Variants in RGS17 observed in about 807,000 individuals in gnomAD.
RGS17 encodes the protein regulator of G protein signaling 17.
RGS17 carries 12 observed loss-of-function variants against 25.5 expected under a neutral mutation model. The observed-to-expected ratio is 0.47, with a 90% CI of 0.30 to 0.76. The LOEUF is 0.76. RGS17 is among the 30% of genes least tolerant of loss of function. RGS17 has a pLI of 0.07. For missense variants in RGS17, 196 were observed against 242.2 expected (o/e 0.81, Z 1.27); for synonymous variants, 71 against 76.9 (o/e 0.92, Z 0.40).
intron 1 of RGS17, among the ~76,000 whole-genome samples, chr6:153,052,778 G>A (rs1333754261): frequency 6.6e-6 from 1 of 152,164 alleles, no homozygotes; most frequent in Non-Finnish European, 1.5e-5. Flanking sequence ...TACTGAATGT[G>A]TGTGTCCTCC....
intron 1 of RGS17, among the ~76,000 whole-genome samples, chr6:153,087,440 A>AAAC (rs1777066780): frequency 6.6e-6 from 1 of 152,236 alleles, no homozygotes; most frequent in Non-Finnish European, 1.5e-5. Context: ...TCTTCTATAA[A>AAAC]AACAAATACA....
chr6:153,026,989 C>T (rs553095895), intron 2 of RGS17, among the ~76,000 whole-genome samples: 126 of 152,284 alleles, frequency 8.3e-4, no homozygotes, highest in African/African-American at 3.0e-3. Context: ...TAATAAGATA[C>T]AATGTGTCAG....
chr6:153,026,432 G>A (rs1380120722), intron 3 of RGS17, 22 bp downstream of exon 3: 1 of 1,550,790 alleles, frequency 6.4e-7, no homozygotes, highest in Non-Finnish European at 8.9e-7. Context: ...AGAAACAATA[G>A]CTATGTGGTT....
At chr6:153,037,872 A>G (rs1366513423) in intron 2 of RGS17, among the ~76,000 whole-genome samples, 1 of 152,204 alleles carries the variant, frequency 6.6e-6, no homozygotes, top group African/African-American at 2.4e-5. Context: ...AAACAACAAC[A>G]TGGGGCAGAC....
chr6:153,114,077 G>T (rs751280886), intron 1 of RGS17, among the ~76,000 whole-genome samples: 12 of 152,034 alleles, frequency 7.9e-5, no homozygotes, highest in Non-Finnish European at 1.6e-4. Flanking sequence ...AAAGAATTAA[G>T]ATCAGAGCAA....
chr6:153,118,429 C>T (rs1386013615), intron 1 of RGS17, among the ~76,000 whole-genome samples: 1 of 152,224 alleles, frequency 6.6e-6, no homozygotes, highest in Admixed American at 6.5e-5. Context: ...ATATACTCCT[C>T]ATAGAATTTA....
chr6:153,021,483 G>A (rs1779247712), intron 4 of RGS17, among the ~76,000 whole-genome samples: 1 of 152,198 alleles, frequency 6.6e-6, no homozygotes, highest in Non-Finnish European at 1.5e-5. Flanking sequence ...TCGAGTCAAT[G>A]AACAGGATAC....
At chr6:153,051,619 T>A (rs1035244577) in intron 1 of RGS17, among the ~76,000 whole-genome samples, 9 of 152,184 alleles carry the variant, frequency 5.9e-5, no homozygotes, top group African/African-American at 1.9e-4. Flanking sequence ...GCAATGAAGT[T>A]GGCTATTTAG....
At chr6:153,097,289 GA>G (rs1562333182) in intron 1 of RGS17, among the ~76,000 whole-genome samples, 11 of 77,292 alleles carry the variant, frequency 1.4e-4, no homozygotes, top group African/African-American at 4.3e-4. Context: ...GCGTTTTTTT[GA>G]TTTTTTTTTT....
Position 153,130,529 on chromosome 6 carries a change from T to G in RGS17, c.-26+595A>C, listed in dbSNP as rs1478072698. ...ACACACCCCTCCGGTATTTTACTGC[T>G]GGTCAAAGGATTCATTTTCGCAACC... On this transcript the variant is annotated intron_variant, in intron 1 of 4. Coordinates refer to ENST00000206262, the MANE Select transcript of RGS17 (RefSeq NM_012419.5). This position sits in a 1 kb window ranked among gnomAD's most constrained non-coding sequence, Gnocchi z 6.4. Among the ~76,000 whole-genome samples, 1 of 151,842 alleles carries G rather than the reference T, an allele frequency of 6.6e-6. No individual in the cohort carries two copies. The highest frequency in any genetic ancestry group is 6.6e-5 in the Admixed American group (1 of 15,266).
At chr6:153,067,279 A>G (rs9479490) in intron 1 of RGS17, among the ~76,000 whole-genome samples, 58,322 of 151,908 alleles carry the variant, frequency 0.38, 11,885 homozygotes, top group East Asian at 0.62. Context: ...TTTAACCACC[A>G]TAATTAAACA....
chr6:153,051,139 C>G (rs1292521238), intron 1 of RGS17, among the ~76,000 whole-genome samples: 1 of 152,196 alleles, frequency 6.6e-6, no homozygotes, highest in Non-Finnish European at 1.5e-5. Flanking sequence ...GATAAGCCAC[C>G]CTACATATGG....
chr6:153,023,774 G>A (rs1439602618), intron 4 of RGS17, among the ~76,000 whole-genome samples: 2 of 151,992 alleles, frequency 1.3e-5, no homozygotes, highest in Non-Finnish European at 2.9e-5. Flanking sequence ...CTATACCAGA[G>A]GTTTTCCAAC....
Position 153,014,295 on chromosome 6 carries a change from G to T in RGS17, c.445-2533C>A, listed in dbSNP as rs1217721907. ...CTGTTTATAGCATGTCTTACTGGGT[G>T]TTTTAAGCCCACTGTCGAGCCCTAC... On this transcript the variant is annotated intron_variant, in intron 4 of 4. Transcript: ENST00000206262. 4.6e-5 allele frequency among the ~76,000 whole-genome samples: 7 copies of T among 152,244 alleles called. No individual in the cohort carries two copies. The East Asian group carries it at 7.7e-4, about 17-fold the overall frequency.
At chr6:153,094,917 C>CTAA (rs1554243095) in intron 1 of RGS17, among the ~76,000 whole-genome samples, 2 of 151,498 alleles carry the variant, frequency 1.3e-5, no homozygotes, top group African/African-American at 4.9e-5. Context: ...TTTATAATTA[C>CTAA]ATTCACAATA....
At chr6:153,047,909 T>G (rs1260877849) in intron 1 of RGS17, among the ~76,000 whole-genome samples, 1 of 152,216 alleles carries the variant, frequency 6.6e-6, no homozygotes, top group African/African-American at 2.4e-5. Context: ...CCTGTCTGCT[T>G]TCTCATCACT....
chr6:153,035,904 G>C (rs1020747424), intron 2 of RGS17, among the ~76,000 whole-genome samples: 32 of 152,054 alleles, frequency 2.1e-4, no homozygotes, highest in Non-Finnish European at 3.7e-4. Context: ...AGAGAAGCTT[G>C]GTTCTCTTAA....
rs1454914619 is a variant in RGS17 at position 153,006,859 on chromosome 6, A to G, written c.*4715T>C. ...GCCCAAAGTCACATGAGACAGAAAT[A>G]TAACTTGAAATCAAATTTGTAATTT... On this transcript the variant is annotated 3_prime_UTR_variant, in exon 5 of 5. Transcript: ENST00000206262. 1 of 152,232 alleles carries G rather than the reference A, an allele frequency of 6.6e-6. No homozygotes were observed. Among genetic ancestry groups the G allele is most frequent in the Non-Finnish European group, 1.5e-5 (1 of 68,038 alleles). 9.4% of individuals were successfully genotyped at this position (152,232 alleles called of 1,614,324 possible).
At chr6:153,020,100 TAAAA>T (rs57320874) in intron 4 of RGS17, among the ~76,000 whole-genome samples, 967 of 44,984 alleles carry the variant, frequency 0.021, 53 homozygotes, top group Middle Eastern at 0.043. Context: ...GCAAATATCT[TAAAA>T]AAAAAAAATA....
Sources: gnomAD v4.1 joint callset for allele counts (sites outside exome capture counted in the v4.1 genomes callset) on GRCh38, gnomAD v4.1.1 for gene constraint, Gnocchi (gnomAD v3.1) non-coding constraint, MANE v1.5 for transcripts, NCBI Gene and HGNC (gene_info 2026-07-23, HGNC 2026-07-21) for gene names.